The following GALE variants were observed in gnomAD, a reference collection of about 807,000 sequenced individuals.
GALE encodes the protein UDP-galactose-4-epimerase.
GALE carries 32 observed loss-of-function variants against 44.1 expected under a neutral mutation model. The observed-to-expected ratio is 0.73, with a 90% confidence interval of 0.55 to 0.97. The LOEUF is 0.97. Among genes scored for constraint, GALE ranks in the 50% least tolerant of loss-of-function variants. GALE has a pLI of 0.00. For missense variants in GALE, 423 were observed against 455.6 expected (o/e 0.93, Z 0.65); for synonymous variants, 182 against 183.5 (o/e 0.99, Z 0.06).
chr1:23,800,267 G>C (rs1357028070), intron 1 of GALE: 2 of 152,774 alleles, frequency 1.3e-5, no homozygotes, highest in East Asian at 3.9e-4. Flanking sequence ...TGCCCGCCGC[G>C]CCGAAGCCGC....
In GALE at chr1:23,796,154, TCCTGTCCAG is replaced by T. The variant is rs770196239; in HGVS notation, c.976_984del (p.Leu326_Arg328del). 12 of 1,613,240 alleles carry T rather than the reference TCCTGTCCAG, an allele frequency of 7.4e-6. No homozygotes were observed. Among genetic ancestry groups the T allele is most frequent in the Non-Finnish European group, 1.0e-5 (12 of 1,179,428 alleles). Reference sequence around the variant, plus strand: ...CAGGGGTCAGGCCAGCACTCACACATCCTGTCCAGCCCTAAGGCTGCTGTCCACCCCAGC... The same window carrying T: ...CAGGGGTCAGGCCAGCACTCACACATCCCTAAGGCTGCTGTCCACCCCAGC... On this transcript the variant is annotated inframe_deletion, in exon 11 of 12. Transcript: ENST00000617979. The surrounding 1 kb of genome is among the most constrained non-coding windows in gnomAD (Gnocchi z 5.2).
In GALE at chr1:23,798,653, T is replaced by C. The variant is rs1197541703; in HGVS notation, c.199A>G (p.Ile67Val). 5.0e-6 allele frequency: 8 copies of C among 1,613,896 alleles called. No homozygotes were observed. In the Admixed American group the frequency reaches 1.0e-4, roughly 20 times the overall value. Reference sequence around the variant, plus strand: ...CGCTGTAGGGCTCCCTGGTCCAAAATGTCCATCTCCTCAAACTCCACAGAG... The same window carrying C: ...CGCTGTAGGGCTCCCTGGTCCAAAACGTCCATCTCCTCAAACTCCACAGAG... ...GRSVEFEEMDILDQGALQRLF... is the reference protein window; with the variant it reads ...GRSVEFEEMDVLDQGALQRLF... Residue 67 changes from isoleucine to valine, a missense_variant, in exon 4 of 12, where the codon ATT (isoleucine) becomes GTT (valine). Physicochemically the swap from Ile to Val is conservative, Grantham distance 29. Coordinates refer to ENST00000617979, the MANE Select transcript of GALE (RefSeq NM_001008216.2). The surrounding 1 kb of genome is among the most constrained non-coding windows in gnomAD (Gnocchi z 4.5).
chr1:23,796,222 G>A lies in GALE; in HGVS notation c.917C>T (p.Ala306Val). Residue 306 changes from alanine (A) to valine (V), a missense_variant, in exon 11 of 12, where the codon GCC becomes GTC. Ala to Val is a moderately conservative substitution (Grantham distance 64, BLOSUM62 0). Transcript: ENST00000617979. The surrounding 1 kb of genome is among the most constrained non-coding windows in gnomAD (Gnocchi z 5.2). ...GGCCAGGCTGGGGTTGGCGTAACAG[G>A]CTGCCACATCACCTTCCCGCCGTGC... ...VVARREGDVA[A>V]CYANPSLAQE... 1 of 1,614,096 alleles carries A rather than the reference G, an allele frequency of 6.2e-7. No homozygotes were observed. The highest frequency in any genetic ancestry group is 1.1e-5 in the South Asian group (1 of 91,084).
In GALE at chr1:23,798,250, A is replaced by G. The variant is rs369604489; in HGVS notation, c.238-20T>C. The G allele has an allele frequency of 7.0e-6, 11 of 1,580,488 alleles. No individual in the cohort carries two copies. Among genetic ancestry groups the G allele is most frequent in the Non-Finnish European group, 9.6e-6 (11 of 1,149,748 alleles). ...GCTGTACTGCAGGGGTGACATGGCC[A>G]GAGGTTGCTCTACTGGTTTTAGTCC... On this transcript the variant is annotated intron_variant, in intron 4 of 11. Coordinates refer to ENST00000617979, the MANE Select transcript of GALE (RefSeq NM_001008216.2). The surrounding 1 kb of genome is among the most constrained non-coding windows in gnomAD (Gnocchi z 4.5).
rs1224653371 is a variant in GALE at position 23,798,630 on chromosome 1, C to T, written c.222G>A (p.Gln74=). The change falls in exon 4 of 12, where the codon CAG becomes CAA. Residue 74 remains glutamine (Q), a synonymous_variant. Coordinates refer to ENST00000617979, the MANE Select transcript of GALE (RefSeq NM_001008216.2). The surrounding 1 kb of genome is among the most constrained non-coding windows in gnomAD (Gnocchi z 4.5). ...CTGCACCCACCTTTTTGAAGAGACGCTGTAGGGCTCCCTGGTCCAAAATGT... is the reference window on the plus strand; with the variant it reads ...CTGCACCCACCTTTTTGAAGAGACGTTGTAGGGCTCCCTGGTCCAAAATGT... ...EMDILDQGAL[Q]RLFKKYSFMA... 1 of 1,613,452 alleles carries T rather than the reference C, an allele frequency of 6.2e-7. No individual in the cohort carries two copies. Among genetic ancestry groups the T allele is most frequent in the South Asian group, 1.1e-5 (1 of 91,082 alleles).
rs1302360942 is a variant in GALE at position 23,796,307 on chromosome 1, T to C, written c.874-42A>G. 4.5e-6 allele frequency: 7 copies of C among 1,570,068 alleles called. No individual in the cohort carries two copies. The Admixed American group carries it at 6.7e-5, about 15-fold the overall frequency. On this transcript the variant is annotated intron_variant, in intron 10 of 11. Transcript: ENST00000617979. This position sits in a 1 kb window ranked among gnomAD's most constrained non-coding sequence, Gnocchi z 5.2. ...AGTTGGAGCTTAGCTGAGCCGGCCCTGGCCCAGCTGCTGGCCAGGTCTTTA... is the reference window on the plus strand; with the variant it reads ...AGTTGGAGCTTAGCTGAGCCGGCCCCGGCCCAGCTGCTGGCCAGGTCTTTA...
rs773718795 is a variant in GALE at position 23,796,543 on chromosome 1, A to G, written c.839T>C (p.Met280Thr). The change falls in exon 10 of 12, where the codon ATG becomes ACG. Residue 280 changes from methionine to threonine, a missense_variant. By Grantham distance (81) the Met-to-Thr change is moderately conservative (BLOSUM62 -1). Transcript: ENST00000617979. The surrounding 1 kb of genome is among the most constrained non-coding windows in gnomAD (Gnocchi z 5.2). ...AGAGGCCTTCTCCATAGCCTGGACCATCTGCAGCACTGAATAGCCTGTGCC... is the reference window on the plus strand; with the variant it reads ...AGAGGCCTTCTCCATAGCCTGGACCGTCTGCAGCACTGAATAGCCTGTGCC... ...GTGTGYSVLQ[M>T]VQAMEKASGK... 3.1e-6 allele frequency: 5 copies of G among 1,613,946 alleles called. No individual in the cohort carries two copies. In the South Asian group the frequency reaches 5.5e-5, roughly 18 times the overall value.
chr1:23,798,031 T>C lies in GALE; in HGVS notation c.351+86A>G. The stretch of plus-strand genomic sequence containing the variant: ...AGACATGAGTCCAGGATGATACAGC[T>C]TGGGCTCTGTGTTTGGCACTGCCTG... On this transcript the variant is annotated intron_variant, in intron 5 of 11. Transcript: ENST00000617979. This position sits in a 1 kb window ranked among gnomAD's most constrained non-coding sequence, Gnocchi z 4.5. 7.5e-7 allele frequency: 1 copy of C among 1,336,042 alleles called. No homozygotes were observed. The highest frequency in any genetic ancestry group is 1.1e-6 in the Non-Finnish European group (1 of 926,416). The allele number at this position is 1,336,042 out of a possible 1,614,324, so 82.8% of individuals were successfully genotyped here. A position where few individuals can be genotyped will look rare whatever the true frequency, so the allele number is the denominator to read the frequency against.
chr1:23,796,436 G>A lies in GALE; in HGVS notation c.873+73C>T. 2 of 1,528,908 alleles carry A rather than the reference G, an allele frequency of 1.3e-6. No individual in the cohort carries two copies. The highest frequency in any genetic ancestry group is 3.4e-5 in the Admixed American group (2 of 58,908). 94.7% of individuals were successfully genotyped at this position (1,528,908 alleles called of 1,614,324 possible). The stretch of plus-strand genomic sequence containing the variant: ...TACCCTCCAGAGAGGTGAGTGGGAA[G>A]GGCCAAAGCTGCTCTGTTGCTGAGA... On this transcript the variant is annotated intron_variant, in intron 10 of 11. Coordinates refer to ENST00000617979, the MANE Select transcript of GALE (RefSeq NM_001008216.2). The surrounding 1 kb of genome is among the most constrained non-coding windows in gnomAD (Gnocchi z 5.2).
Position 23,796,616 on chromosome 1 carries a change from C to T in GALE, c.796-30G>A, listed in dbSNP as rs1171989071. 9.9e-6 allele frequency: 16 copies of T among 1,614,136 alleles called. No homozygotes were observed. Among genetic ancestry groups the T allele is most frequent in the Admixed American group, 8.3e-5 (5 of 60,020 alleles). ...CCCACGGAGAACAGGGTTTATGGAG[C>T]GGGCTGGACTGACCACGCCTCTGGG... On this transcript the variant is annotated intron_variant, in intron 9 of 11. Transcript: ENST00000617979. The surrounding 1 kb of genome is among the most constrained non-coding windows in gnomAD (Gnocchi z 5.2).
chr1:23,798,312 T>A lies in GALE; in HGVS notation c.238-82A>T. On this transcript the variant is annotated intron_variant, in intron 4 of 11. Transcript: ENST00000617979. The surrounding 1 kb of genome is among the most constrained non-coding windows in gnomAD (Gnocchi z 4.5). Reference sequence around the variant, plus strand: ...CTCAGCCTGCCTGCCTGCACTCACCTTTTTTTTTTTTTTTGACAGTCTCGC... The same window carrying A: ...CTCAGCCTGCCTGCCTGCACTCACCATTTTTTTTTTTTTTGACAGTCTCGC... 1 of 206,460 alleles carries A rather than the reference T, an allele frequency of 4.8e-6. No homozygotes were observed. The highest frequency in any genetic ancestry group is 2.7e-5 in the African/African-American group (1 of 37,426). 12.8% of individuals were successfully genotyped at this position (206,460 alleles called of 1,614,324 possible).
In GALE at chr1:23,796,019, C is replaced by T. The variant is rs1469953444; in HGVS notation, c.989-12G>A. ...CCAGAGATCCTCACCTGCAACACGG[C>T]GAGGTGTGTGCTCAGGGCCCACGGT... On this transcript the variant is annotated splice_polypyrimidine_tract_variant and intron_variant, in intron 11 of 11. Coordinates refer to ENST00000617979, the MANE Select transcript of GALE (RefSeq NM_001008216.2). The surrounding 1 kb of genome is among the most constrained non-coding windows in gnomAD (Gnocchi z 5.2). 15 of 1,613,584 alleles carry T rather than the reference C, an allele frequency of 9.3e-6. No homozygotes were observed. The Admixed American group carries it at 1.5e-4, about 16-fold the overall frequency.
intron 6 of GALE, 105 bp from the exon 7 acceptor site, chr1:23,797,252 C>T: frequency 1.3e-6 from 1 of 799,476 alleles, no homozygotes; most frequent in Non-Finnish European, 2.1e-6. Flanking sequence ...GATGGAGTCT[C>T]ACTATGGCCC....
rs111373969 is a variant in GALE at position 23,798,742 on chromosome 1, C to G, written c.122-12G>C. On this transcript the variant is annotated splice_polypyrimidine_tract_variant and intron_variant, in intron 3 of 11. Transcript: ENST00000617979. The surrounding 1 kb of genome is among the most constrained non-coding windows in gnomAD (Gnocchi z 4.5). ...CAGGGAGCCCCCTCCTGGTAGGGTA[C>G]ATGTAGGCCACATCATCACGACATG... is the stretch of plus-strand genomic sequence containing the variant. 6.2e-7 allele frequency: 1 copy of G among 1,612,044 alleles called. No homozygotes were observed. Among genetic ancestry groups the G allele is most frequent in the Non-Finnish European group, 8.5e-7 (1 of 1,178,050 alleles).
chr1:23,798,048 C>G lies in GALE; in HGVS notation c.351+69G>C, dbSNP rs1639015779. ...GATACAGCTTGGGCTCTGTGTTTGG[C>G]ACTGCCTGCCAGGCTGGGGTCCAGC... On this transcript the variant is annotated intron_variant, in intron 5 of 11. Coordinates refer to ENST00000617979, the MANE Select transcript of GALE (RefSeq NM_001008216.2). The surrounding 1 kb of genome is among the most constrained non-coding windows in gnomAD (Gnocchi z 4.5). 1.4e-6 allele frequency: 2 copies of G among 1,399,264 alleles called. No individual in the cohort carries two copies. The highest frequency in any genetic ancestry group is 4.6e-5 in the East Asian group (2 of 43,924). The allele number at this position is 1,399,264 out of a possible 1,614,324, so 86.7% of individuals were successfully genotyped here. A position where few individuals can be genotyped will look rare whatever the true frequency, so the allele number is the denominator to read the frequency against.
chr1:23,797,797 C>A lies in GALE; in HGVS notation c.426G>T (p.Leu142=). 1 of 1,614,084 alleles carries A rather than the reference C, an allele frequency of 6.2e-7. No homozygotes were observed. Among genetic ancestry groups the A allele is most frequent in the East Asian group, 2.2e-5 (1 of 44,884 alleles). ...SATVYGNPQY[L]PLDEAHPTGG... ...CCGTGGGGTGGGCCTCATCAAGGGG[C>A]AGGTACTGGGGGTTCCCGTACACAG... is the stretch of plus-strand genomic sequence containing the variant. Residue 142 remains leucine (L), a synonymous_variant, in exon 6 of 12, where the codon CTG becomes CTT. Coordinates refer to ENST00000617979, the MANE Select transcript of GALE (RefSeq NM_001008216.2).
In GALE at chr1:23,798,434, A is replaced by G; in HGVS notation, c.237+181T>C. 1.4e-6 allele frequency: 1 copy of G among 692,712 alleles called. No individual in the cohort carries two copies. Among genetic ancestry groups the G allele is most frequent in the Non-Finnish European group, 2.6e-6 (1 of 389,964 alleles). 42.9% of individuals were successfully genotyped at this position (692,712 alleles called of 1,614,324 possible). A position where few individuals can be genotyped will look rare whatever the true frequency, so the allele number is the denominator to read the frequency against. ...ATCCTCCCATGCCAGCCTCCCGAGT[A>G]GCTGGGACCACAGGTATGGGCTACC... On this transcript the variant is annotated intron_variant, in intron 4 of 11. Transcript: ENST00000617979. This position sits in a 1 kb window ranked among gnomAD's most constrained non-coding sequence, Gnocchi z 4.5.
At chr1:23,799,943 T>C in intron 1 of GALE, 1 of 152,716 alleles carries the variant, frequency 6.5e-6, no homozygotes, top group Non-Finnish European at 1.5e-5. Context: ...CCGGGCCCGC[T>C]GCCGCCTTCC....
Position 23,796,735 on chromosome 1 carries a change from C to T in GALE, c.757G>A (p.Ala253Thr). Residue 253 changes from alanine (A) to threonine (T), a missense_variant, in exon 9 of 12, where the codon GCA becomes ACA. Coordinates refer to ENST00000617979, the MANE Select transcript of GALE (RefSeq NM_001008216.2). This position sits in a 1 kb window ranked among gnomAD's most constrained non-coding sequence, Gnocchi z 5.2. ...TGTTCTTTCAGCTTCCTTAAGGCTG[C>T]AATGTGGCCCTTGGCCAGATCCACG... ...HVVDLAKGHI[A>T]ALRKLKEQCG... 1.2e-6 allele frequency: 2 copies of T among 1,612,894 alleles called. No homozygotes were observed. Among genetic ancestry groups the T allele is most frequent in the Non-Finnish European group, 1.7e-6 (2 of 1,179,486 alleles).
Sources: gnomAD v4.1 joint callset for allele counts on GRCh38, gnomAD v4.1.1 for gene constraint, Gnocchi (gnomAD v3.1) non-coding constraint, MANE v1.5 for transcripts, NCBI Gene and HGNC (gene_info 2026-07-23, HGNC 2026-07-21) for gene names.